Variants in PRKG1 observed in about 807,000 individuals in gnomAD.
PRKG1 encodes the protein protein kinase cGMP-dependent 1.
A neutral mutation model predicts 88.1 loss-of-function variants in PRKG1; 35 were observed. The observed-to-expected ratio is 0.40, with a 90% CI of 0.30 to 0.53. PRKG1 has a LOEUF of 0.53. Ranked by LOEUF, PRKG1 falls within the 20% of genes least tolerant of loss-of-function variation. The pLI, the probability that PRKG1 is intolerant of heterozygous loss-of-function variation, is 0.59. For missense variants in PRKG1, 540 were observed against 839.8 expected, an observed-to-expected ratio of 0.64 and a Z score of 4.41; for synonymous variants, 303 against 292.5, an observed-to-expected ratio of 1.04 and a Z score of -0.37.
At chr10:52,204,837 T>G (rs922896434) in intron 9 of PRKG1, among the ~76,000 whole-genome samples, 6 of 152,098 alleles carry the variant, frequency 3.9e-5, no homozygotes, top group African/African-American at 7.2e-5. Context: ...ATAACAGTGG[T>G]TTTCAGGGAA....
chr10:52,054,357 T>C (rs1184058836), intron 5 of PRKG1, 127 bp from the exon 6 acceptor site: 8 of 652,170 alleles, frequency 1.2e-5, no homozygotes, highest in Non-Finnish European at 2.1e-5. Context: ...TAAATCATGA[T>C]GGTTCCAGGC....
At chr10:51,172,636 GTATGTATGTATGTATCTATC>G (rs1196759520) in intron 2 of PRKG1, among the ~76,000 whole-genome samples, 155 of 76,118 alleles carry the variant, frequency 2.0e-3, no homozygotes, top group East Asian at 7.1e-3. Context: ...ATGTATGTAT[GTATGTATGTATGTATCTATC>G]TATCTATCTA....
At chr10:51,208,293 T>A (rs1353144604) in intron 2 of PRKG1, among the ~76,000 whole-genome samples, 1 of 152,178 alleles carries the variant, frequency 6.6e-6, no homozygotes, top group Admixed American at 6.5e-5. Context: ...TGATACCGGT[T>A]ATGTAATATT....
At chr10:51,434,647 C>A (rs942001606) in intron 2 of PRKG1, among the ~76,000 whole-genome samples, 1 of 152,062 alleles carries the variant, frequency 6.6e-6, no homozygotes, top group South Asian at 2.1e-4. Context: ...CTGTTTAAAA[C>A]GTAAGATCAG....
In PRKG1 at chr10:52,280,950, G is replaced by C. The variant is rs1446229134; in HGVS notation, c.1545+20G>C. 6.2e-7 allele frequency: 1 copy of C among 1,605,760 alleles called. No individual in the cohort carries two copies. Among genetic ancestry groups the C allele is most frequent in the Non-Finnish European group, 8.5e-7 (1 of 1,174,902 alleles). On this transcript the variant is annotated intron_variant, in intron 13 of 17. Coordinates refer to ENST00000373980, the MANE Select transcript of PRKG1 (RefSeq NM_006258.4). The stretch of plus-strand genomic sequence containing the variant: ...AAACTGGTCAGTGCATTTCATACGT[G>C]CTTTCTGCCCTGCAGATTAAAAATA...
chr10:52,058,338 C>T (rs1254372759), intron 6 of PRKG1, among the ~76,000 whole-genome samples: 2 of 152,156 alleles, frequency 1.3e-5, no homozygotes, highest in South Asian at 2.1e-4. Context: ...TATCATTCAA[C>T]ATATTGTACC....
At chr10:52,235,853 C>A (rs1205431094) in intron 9 of PRKG1, among the ~76,000 whole-genome samples, 1 of 122,394 alleles carries the variant, frequency 8.2e-6, no homozygotes, top group Non-Finnish European at 1.7e-5. Context: ...CCCAAATCAA[C>A]AGAATATACA....
chr10:52,106,362 G>A (rs1847421661), intron 7 of PRKG1, among the ~76,000 whole-genome samples: 1 of 152,120 alleles, frequency 6.6e-6, no homozygotes, highest in South Asian at 2.1e-4. Flanking sequence ...TTTTGTTACT[G>A]TAAGTGTGTC....
intron 2 of PRKG1, among the ~76,000 whole-genome samples, chr10:51,229,926 C>CAAAAAAAAAAAAAAAAAAAAGAAAAA (rs1838791096): frequency 3.0e-5 from 1 of 33,588 alleles, no homozygotes; most frequent in African/African-American, 8.3e-5. Flanking sequence ...GAGGCGATCT[C>CAAAAAAAAAAAAAAAAAAAAGAAAAA]AAAAAAAAAA....
At chr10:51,370,825 C>A (rs562184415) in intron 2 of PRKG1, among the ~76,000 whole-genome samples, 4 of 151,858 alleles carry the variant, frequency 2.6e-5, no homozygotes, top group African/African-American at 9.7e-5. Flanking sequence ...AATCCTATGT[C>A]AATTTATGCC....
chr10:51,839,017 AT>A (rs1348299952), intron 4 of PRKG1, among the ~76,000 whole-genome samples: 1 of 152,200 alleles, frequency 6.6e-6, no homozygotes, highest in Non-Finnish European at 1.5e-5. Flanking sequence ...TAATAAGAGC[AT>A]TCTGGTCACA....
intron 1 of PRKG1, among the ~76,000 whole-genome samples, chr10:51,027,698 G>T (rs1046392967): frequency 1.3e-5 from 2 of 152,062 alleles, no homozygotes; most frequent in Non-Finnish European, 2.9e-5. Flanking sequence ...TCTTCTCAAG[G>T]TTACTCTCAG....
intron 9 of PRKG1, among the ~76,000 whole-genome samples, chr10:52,211,390 A>G (rs1372529630): frequency 1.3e-5 from 2 of 152,184 alleles, no homozygotes; most frequent in Non-Finnish European, 2.9e-5. Context: ...TTTGCCCTTA[A>G]AAAGGTTAAA....
intron 2 of PRKG1, among the ~76,000 whole-genome samples, chr10:51,382,087 G>A (rs1837120796): frequency 6.6e-6 from 1 of 151,796 alleles, no homozygotes; most frequent in Admixed American, 6.6e-5. Context: ...GTCAGAATTG[G>A]TAATTAGATT....
chr10:52,205,987 T>C (rs1564515736), intron 9 of PRKG1, among the ~76,000 whole-genome samples: 1 of 152,228 alleles, frequency 6.6e-6, no homozygotes, highest in Non-Finnish European at 1.5e-5. Flanking sequence ...GAAATTGCCA[T>C]GAATGATTTC....
At chr10:52,005,722 G>T (rs868659656) in intron 5 of PRKG1, among the ~76,000 whole-genome samples, 4 of 152,076 alleles carry the variant, frequency 2.6e-5, no homozygotes, top group Non-Finnish European at 4.4e-5. Flanking sequence ...TGTTGCTCTA[G>T]AAACATCCAG....
At chr10:51,580,775 G>A (rs767515401) in intron 3 of PRKG1, among the ~76,000 whole-genome samples, 3 of 152,058 alleles carry the variant, frequency 2.0e-5, no homozygotes, top group East Asian at 3.9e-4. Flanking sequence ...GAGACAGAAG[G>A]ATTCATGTCT....
chr10:52,202,347 T>G (rs1230568422), intron 9 of PRKG1, among the ~76,000 whole-genome samples: 2 of 152,202 alleles, frequency 1.3e-5, no homozygotes, highest in African/African-American at 4.8e-5. Context: ...TGAATCACAT[T>G]TATTGATTTG....
At chr10:52,132,277 G>C (rs776951518) in intron 7 of PRKG1, among the ~76,000 whole-genome samples, 27 of 152,096 alleles carry the variant, frequency 1.8e-4, no homozygotes, top group African/African-American at 4.8e-5. Context: ...GGGTGTTTCA[G>C]AAGTGGAAGA....
Sources: gnomAD v4.1 joint callset for allele counts (sites outside exome capture counted in the v4.1 genomes callset) on GRCh38, gnomAD v4.1.1 for gene constraint, MANE v1.5 for transcripts, NCBI Gene and HGNC (gene_info 2026-07-23, HGNC 2026-07-21) for gene names.